Variants in GALNTL6 observed in about 807,000 individuals in gnomAD.
The protein encoded by GALNTL6 is polypeptide N-acetylgalactosaminyltransferase like 6, also known as polypeptide N-acetylgalactosaminyltransferase-like 6.
Under a neutral mutation model 73.7 loss-of-function variants are expected in GALNTL6, and 46 were observed. That is an observed-to-expected ratio of 0.62 (90% CI 0.49 to 0.80). GALNTL6 has a LOEUF of 0.80. Ranked by LOEUF, GALNTL6 falls within the 30% of genes least tolerant of loss-of-function variation. The probability of loss-of-function intolerance (pLI) is 0.00; values close to 1 mark genes in which losing one functional copy is unlikely to be tolerated. For synonymous variants in GALNTL6, 259 were observed against 263.7 expected (o/e 0.98, Z 0.17); for missense variants, 604 against 755.0 (o/e 0.80, Z 2.34).
At chr4:171,904,601 C>A (rs1244631518) in intron 2 of GALNTL6, among the ~76,000 whole-genome samples, 1 of 152,158 alleles carries the variant, frequency 6.6e-6, no homozygotes, top group East Asian at 1.9e-4. Flanking sequence ...CTTCCCCAAT[C>A]TAGCAAGGCA....
intron 5 of GALNTL6, among the ~76,000 whole-genome samples, chr4:172,421,580 A>G (rs1731054092): frequency 6.6e-6 from 1 of 151,932 alleles, no homozygotes; most frequent in South Asian, 2.1e-4. Context: ...ATTTTAATAA[A>G]TGTTTTAGAG....
chr4:172,204,576 C>A (rs183227064), intron 2 of GALNTL6, among the ~76,000 whole-genome samples: 139 of 152,134 alleles, frequency 9.1e-4, no homozygotes, highest in African/African-American at 3.2e-3. Context: ...ATTGTGTATT[C>A]TATAATTATT....
At chr4:172,372,986 T>C (rs1234249016) in intron 5 of GALNTL6, among the ~76,000 whole-genome samples, 4 of 152,160 alleles carry the variant, frequency 2.6e-5, no homozygotes, top group Non-Finnish European at 5.9e-5. Context: ...GCTTTCGACC[T>C]ACACACCTTG....
At chr4:172,310,064 C>A (rs1274031085) in intron 3 of GALNTL6, among the ~76,000 whole-genome samples, 1 of 151,826 alleles carries the variant, frequency 6.6e-6, no homozygotes, top group African/African-American at 2.4e-5. Flanking sequence ...ACCGTTCATA[C>A]AGAAAAATAA....
At chr4:172,063,831 GA>G (rs1245032642) in intron 2 of GALNTL6, among the ~76,000 whole-genome samples, 2 of 151,944 alleles carry the variant, frequency 1.3e-5, no homozygotes, top group African/African-American at 4.8e-5. Context: ...ATGTGTGCTT[GA>G]AAAATGCACA....
At chr4:171,865,069 C>T (rs1306825826) in intron 2 of GALNTL6, among the ~76,000 whole-genome samples, 1 of 151,950 alleles carries the variant, frequency 6.6e-6, no homozygotes, top group African/African-American at 2.4e-5. Flanking sequence ...TCTCTTGACC[C>T]CGGGAGGCGG....
intron 5 of GALNTL6, among the ~76,000 whole-genome samples, chr4:172,551,849 C>T (rs1003008740): frequency 2.6e-5 from 4 of 152,016 alleles, no homozygotes; most frequent in African/African-American, 9.7e-5. Flanking sequence ...ACAAGGTAAA[C>T]AATGGGGGTG....
intron 5 of GALNTL6, among the ~76,000 whole-genome samples, chr4:172,716,522 G>T: frequency 6.6e-6 from 1 of 151,986 alleles, no homozygotes; most frequent in Middle Eastern, 3.4e-3. Context: ...ATTCCCAGTC[G>T]CTCCCTTGGG....
intron 2 of GALNTL6, among the ~76,000 whole-genome samples, chr4:171,822,457 A>C (rs1734710702): frequency 6.6e-6 from 1 of 152,142 alleles, no homozygotes; most frequent in Admixed American, 6.5e-5. Flanking sequence ...CACAAAAATT[A>C]CCTCATAATA....
At chr4:172,225,193 G>A (rs1202332626) in intron 2 of GALNTL6, among the ~76,000 whole-genome samples, 1 of 151,900 alleles carries the variant, frequency 6.6e-6, no homozygotes, top group African/African-American at 2.4e-5. Context: ...GACGCAAATG[G>A]GTCTGGGCGC....
chr4:172,478,162 A>C (rs1733307234), intron 5 of GALNTL6, among the ~76,000 whole-genome samples: 1 of 152,204 alleles, frequency 6.6e-6, no homozygotes, highest in Non-Finnish European at 1.5e-5. Flanking sequence ...ATTAGAAAAA[A>C]AAAATCCTAA....
intron 7 of GALNTL6, among the ~76,000 whole-genome samples, chr4:172,852,294 T>C (rs1743869164): frequency 6.6e-6 from 1 of 152,166 alleles, no homozygotes; most frequent in African/African-American, 2.4e-5. Flanking sequence ...TCCTTCCATT[T>C]TGAGACTGCA....
intron 2 of GALNTL6, among the ~76,000 whole-genome samples, chr4:172,129,160 A>T: frequency 6.6e-6 from 1 of 152,320 alleles, no homozygotes; most frequent in East Asian, 1.9e-4. Flanking sequence ...TTGGTTTGAA[A>T]TGCCCTAAGA....
intron 2 of GALNTL6, among the ~76,000 whole-genome samples, chr4:171,840,161 A>C (rs184542850): frequency 3.3e-5 from 5 of 152,184 alleles, no homozygotes; most frequent in Admixed American, 3.3e-4. Flanking sequence ...ATATATTCTG[A>C]AAGAGTTACA....
intron 4 of GALNTL6, among the ~76,000 whole-genome samples, chr4:172,330,239 G>T (rs191826026): frequency 6.6e-6 from 1 of 152,330 alleles, no homozygotes; most frequent in African/African-American, 2.4e-5. Context: ...TGCCTGAGCG[G>T]CCACTAAGCC....
In GALNTL6 at chr4:172,069,472, T is replaced by C. The variant is rs1413638130; in HGVS notation, c.139-160184T>C. Among the ~76,000 whole-genome samples the C allele has an allele frequency of 4.5e-5, 2 of 44,510 alleles. 1 individual carries two copies. The highest frequency in any genetic ancestry group is 1.3e-4 in the Non-Finnish European group (2 of 15,258). 29.2% of individuals were successfully genotyped at this position (44,510 alleles called of 152,430 possible). On this transcript the variant is annotated intron_variant, in intron 2 of 12. Coordinates refer to ENST00000506823, the MANE Select transcript of GALNTL6 (RefSeq NM_001034845.3). ...TAATATATAACACACATATAACATA[T>C]ATGTTATATATAACACATATGTTAT...
chr4:172,692,154 G>A (rs540592395), intron 5 of GALNTL6, among the ~76,000 whole-genome samples: 68 of 151,838 alleles, frequency 4.5e-4, no homozygotes, highest in African/African-American at 1.5e-3. Context: ...CACTCTTAAC[G>A]CTTACTCTCT....
At chr4:172,451,908 G>A (rs1180463558) in intron 5 of GALNTL6, among the ~76,000 whole-genome samples, 10 of 152,090 alleles carry the variant, frequency 6.6e-5, no homozygotes. Flanking sequence ...CTGCTCGAGA[G>A]GCTGAGGCAA....
At chr4:172,471,951 T>C (rs1412262712) in intron 5 of GALNTL6, among the ~76,000 whole-genome samples, 1 of 152,208 alleles carries the variant, frequency 6.6e-6, no homozygotes, top group Non-Finnish European at 1.5e-5. Flanking sequence ...TTCTCTCTAA[T>C]ATCCAACAAT....
Sources: gnomAD v4.1 joint callset for allele counts (sites outside exome capture counted in the v4.1 genomes callset) on GRCh38, gnomAD v4.1.1 for gene constraint, MANE v1.5 for transcripts, NCBI Gene and HGNC (gene_info 2026-07-23, HGNC 2026-07-21) for gene names.